MAPDA: variants seen among roughly 807,000 people sequenced by gnomAD.
MAPDA encodes the protein N6-Methyl-AMP deaminase.
chr15:43,331,557 C>T, the MAPDA span, among the ~76,000 whole-genome samples: 1 of 152,164 alleles, frequency 6.6e-6, no homozygotes, highest in East Asian at 1.9e-4. Context: ...TGGAGTCCAG[C>T]AGATTTGGAT....
chr15:43,343,686 A>G, the MAPDA span, among the ~76,000 whole-genome samples: 1 of 152,044 alleles, frequency 6.6e-6, no homozygotes, highest in Non-Finnish European at 1.5e-5. Flanking sequence ...GTTTGTATAT[A>G]TGCCCACCCA....
the MAPDA span, chr15:43,334,931 A>G: frequency 2.0e-6 from 1 of 504,332 alleles, no homozygotes; most frequent in Admixed American, 4.4e-5. Flanking sequence ...AAATATTAAC[A>G]TTTGTTAAAA....
the MAPDA span, chr15:43,335,574 C>CT: frequency 7.0e-6 from 8 of 1,141,700 alleles, no homozygotes; most frequent in African/African-American, 1.6e-5. Context: ...AATTTGTAAA[C>CT]TTTATTATGT....
chr15:43,337,275 CAAAAAAAAAAA>C, the MAPDA span, among the ~76,000 whole-genome samples: 2 of 61,940 alleles, frequency 3.2e-5, no homozygotes, highest in South Asian at 5.6e-4. Context: ...GACTCCGTCT[CAAAAAAAAAAA>C]AAAAAAAAAA....
the MAPDA span, chr15:43,340,383 G>A: frequency 4.5e-6 from 7 of 1,570,406 alleles, no homozygotes; most frequent in East Asian, 4.5e-5. Flanking sequence ...CAAATGTACT[G>A]TCCTTTTCCT....
At chr15:43,331,535 G>T in the MAPDA span, among the ~76,000 whole-genome samples, 1 of 152,242 alleles carries the variant, frequency 6.6e-6, no homozygotes, top group African/African-American at 2.4e-5. Flanking sequence ...TAATGGTTAA[G>T]AGTGTGAGTT....
chr15:43,337,711 C>T, the MAPDA span, among the ~76,000 whole-genome samples: 1 of 152,162 alleles, frequency 6.6e-6, no homozygotes, highest in Admixed American at 6.5e-5. Flanking sequence ...AAAGACTGAT[C>T]TTCATGATAA....
chr15:43,352,171 AT>A, the MAPDA span: 3 of 386,422 alleles, frequency 7.8e-6, no homozygotes, highest in Non-Finnish European at 1.4e-5. Context: ...TGCTAATTAA[AT>A]CCCCATTCCA....
chr15:43,335,472 T>A, the MAPDA span, among the ~76,000 whole-genome samples: 1 of 152,120 alleles, frequency 6.6e-6, no homozygotes, highest in Non-Finnish European at 1.5e-5. Flanking sequence ...AATCGGAGGT[T>A]ACAGTGAGCT....
At chr15:43,351,460 C>A in the MAPDA span, 1 of 400,370 alleles carries the variant, frequency 2.5e-6, no homozygotes, top group Non-Finnish European at 4.4e-6. Flanking sequence ...TGCACCCATC[C>A]CATGAGATTC....
the MAPDA span, chr15:43,349,399 A>C: frequency 1.1e-6 from 1 of 874,114 alleles, no homozygotes; most frequent in Non-Finnish European, 1.4e-6. Flanking sequence ...AAAATTAAAC[A>C]TGGAAAATCC....
chr15:43,336,627 T>G, the MAPDA span: 21 of 1,567,846 alleles, frequency 1.3e-5, no homozygotes, highest in Non-Finnish European at 1.8e-5. Flanking sequence ...ATGTTGCAGA[T>G]GTTTCCAGAT....
the MAPDA span, among the ~76,000 whole-genome samples, chr15:43,344,248 T>C: frequency 6.6e-6 from 1 of 151,288 alleles, no homozygotes; most frequent in Non-Finnish European, 1.5e-5. Flanking sequence ...ATGTTATTTA[T>C]AACAAAAATT....
At chr15:43,338,650 T>C in the MAPDA span, among the ~76,000 whole-genome samples, 1 of 152,196 alleles carries the variant, frequency 6.6e-6, no homozygotes, top group East Asian at 1.9e-4. Context: ...AGAATTTGAA[T>C]AGATATTCTC....
At chr15:43,349,958 G>C in the MAPDA span, among the ~76,000 whole-genome samples, 1 of 152,186 alleles carries the variant, frequency 6.6e-6, no homozygotes, top group African/African-American at 2.4e-5. Flanking sequence ...CTGTGTTGAG[G>C]CTGCCTTACT....
the MAPDA span, chr15:43,345,778 C>G: frequency 6.4e-7 from 1 of 1,563,472 alleles, no homozygotes; most frequent in Non-Finnish European, 8.8e-7. Flanking sequence ...TCTGCCATCT[C>G]TGTCTGGCTG....
At chr15:43,345,902 G>A in the MAPDA span, 1 of 1,614,224 alleles carries the variant, frequency 6.2e-7, no homozygotes, top group Non-Finnish European at 8.5e-7. Flanking sequence ...TAGCCAAGGA[G>A]ACTGTAAAAC....
the MAPDA span, chr15:43,331,799 AATT>A: frequency 6.6e-6 from 1 of 152,268 alleles, no homozygotes; most frequent in Non-Finnish European, 1.5e-5. Flanking sequence ...ATCCAGTCTA[AATT>A]ATTATACTTT....
the MAPDA span, chr15:43,335,672 A>G: frequency 6.3e-7 from 1 of 1,578,730 alleles, no homozygotes; most frequent in East Asian, 2.3e-5. Flanking sequence ...ATATTTGATA[A>G]GTTTTACTGG....
Sources: gnomAD v4.1 joint callset for allele counts (sites outside exome capture counted in the v4.1 genomes callset) on GRCh38, gnomAD v4.1.1 for gene constraint, MANE v1.5 for transcripts, NCBI Gene and HGNC (gene_info 2026-07-23, HGNC 2026-07-21) for gene names.